Variants in AP5Z1 observed in about 807,000 individuals in gnomAD.
AP5Z1 encodes AP-5 complex subunit zeta-1.
In AP5Z1, 106 loss-of-function variants were observed where a neutral mutation model predicts 83.0. That is an observed-to-expected ratio of 1.28 (90% CI 1.09 to 1.50). The LOEUF is 1.50. Among genes scored for constraint, AP5Z1 ranks in the 40% most tolerant of loss-of-function variants. The probability of loss-of-function intolerance (pLI) is 0.00; values close to 1 mark genes in which losing one functional copy is unlikely to be tolerated. For synonymous variants in AP5Z1, 751 were observed against 514.1 expected, an observed-to-expected ratio of 1.46 and a Z score of -6.23; for missense variants, 1,565 against 1,094.2, an observed-to-expected ratio of 1.43 and a Z score of -6.07.
At chr7:4,789,984 T>TCCCCCCCTCCCCCCCCCCCCCCCCC in intron 14 of AP5Z1, 55 bp downstream of exon 14, 1 of 1,133,806 alleles carries the variant, frequency 8.8e-7, no homozygotes, top group South Asian at 1.7e-5. Context: ...CCTGGACTCC[T>TCCCCCCCTCCCCCCCCCCCCCCCCC]CCCCCTCTCC....
Position 4,781,317 on chromosome 7 carries a change from G to A in AP5Z1, c.179+5G>A, listed in dbSNP as rs754511057. On this transcript the variant is annotated splice_donor_5th_base_variant and intron_variant, in intron 2 of 16. Transcript: ENST00000649063. ...AGCCACGAAGTACAGCCGGAGGTGA[G>A]TGTGGCGACGGCTCAGGCCGGCTCC... 6.2e-7 allele frequency: 1 copy of A among 1,612,906 alleles called. No homozygotes were observed. Among genetic ancestry groups the A allele is most frequent in the South Asian group, 1.1e-5 (1 of 91,058 alleles).
At chr7:4,783,561 C>G in intron 4 of AP5Z1, 101 bp downstream of exon 4, 9 of 1,537,702 alleles carry the variant, frequency 5.9e-6, no homozygotes, top group Non-Finnish European at 7.1e-6. Context: ...AGGTGGGGGA[C>G]ACGGGGAGGC....
At position 4,781,659 on chromosome 7, in the gene AP5Z1, C is replaced by T. The variant is rs767325342; in HGVS notation, c.271C>T (p.Arg91Ter). The change falls in exon 3 of 17, where the codon CGA becomes TGA. Residue 91 changes from arginine (R) to a stop codon, truncating the protein, a stop_gained. Coordinates refer to ENST00000649063, the MANE Select transcript of AP5Z1 (RefSeq NM_014855.3). LOFTEE classifies it high-confidence loss of function. ...CCAGGTGCTTTGCGCCGCCATCCTG[C>T]GAGAGATGTCCCCCTCTGACAGCCT... ...QLQVLCAAIL[R>*]EMSPSDSLSL... 46 of 1,605,112 alleles carry T rather than the reference C, an allele frequency of 2.9e-5. No homozygotes were observed. Among genetic ancestry groups the T allele is most frequent in the Non-Finnish European group, 3.7e-5 (44 of 1,173,668 alleles).
chr7:4,784,307 C>T lies in AP5Z1; in HGVS notation c.726C>T (p.Ala242=), dbSNP rs770164019. Residue 242 remains alanine, a synonymous_variant, in exon 6 of 17, where the codon GCC becomes GCT. Transcript: ENST00000649063. ...FTDDQWLNVQ[A]FSMLRAWLLH... ...ACGACCAGTGGCTGAACGTGCAGGC[C>T]TTCTCTATGCTGCGGGCGTGGCTGC... 1.2e-5 allele frequency: 19 copies of T among 1,602,196 alleles called. No homozygotes were observed. The highest frequency in any genetic ancestry group is 6.7e-5 in the African/African-American group (5 of 74,746).
At chr7:4,776,587 T>G (rs1297388021) in intron 1 of AP5Z1, among the ~76,000 whole-genome samples, 1 of 141,148 alleles carries the variant, frequency 7.1e-6, no homozygotes, top group African/African-American at 2.8e-5. Flanking sequence ...AAAAAAAAAT[T>G]AGCCGGGCGT....
chr7:4,783,984 G>C (rs1204814593), intron 5 of AP5Z1, among the ~76,000 whole-genome samples, 186 bp downstream of exon 5: 2 of 152,210 alleles, frequency 1.3e-5, no homozygotes, highest in South Asian at 2.1e-4. Context: ...CTGGGGGTCT[G>C]TGCGCGGGTT....
At chr7:4,785,493 G>C (rs555323799) in intron 8 of AP5Z1, 29 bp from the exon 9 acceptor site, 1 of 1,613,202 alleles carries the variant, frequency 6.2e-7, no homozygotes, top group East Asian at 2.2e-5. Context: ...CAGCGACTCG[G>C]CCCATTTGAT....
At chr7:4,785,856 C>T (rs528847124) in intron 9 of AP5Z1, among the ~76,000 whole-genome samples, 172 bp downstream of exon 9, 1 of 151,882 alleles carries the variant, frequency 6.6e-6, no homozygotes, top group East Asian at 1.9e-4. Context: ...ATCCTCCTGC[C>T]TTGGCCTCCC....
Position 4,794,106 on chromosome 7 carries a change from GTATC to G in AP5Z1, c.*2724_*2727del, listed in dbSNP as rs1442419005. The G allele has an allele frequency of 6.6e-6, 1 of 152,362 alleles. No homozygotes were observed. Among genetic ancestry groups the G allele is most frequent in the African/African-American group, 2.4e-5 (1 of 41,454 alleles). 9.4% of individuals were successfully genotyped at this position (152,362 alleles called of 1,614,324 possible). ...TTGTGAATGCACCAATAGACACTCTGTATCTAGCTACTCTGGTGGGGACTTGGAA... is the reference window on the plus strand; with the variant it reads ...TTGTGAATGCACCAATAGACACTCTGTAGCTACTCTGGTGGGGACTTGGAA... On this transcript the variant is annotated 3_prime_UTR_variant, in exon 17 of 17. Transcript: ENST00000649063.
Position 4,786,290 on chromosome 7 carries a change from C to G in AP5Z1, c.1173C>G (p.His391Gln), listed in dbSNP as rs1302521074. The G allele has an allele frequency of 1.2e-6, 2 of 1,613,384 alleles. No homozygotes were observed. Among genetic ancestry groups the G allele is most frequent in the South Asian group, 1.1e-5 (1 of 91,038 alleles). ...TGGACTCGGAAGCCGTCTACCAGCA[C>G]CTGTTCACCAGGATCCCGGTGGAGC... ...AAVDSEAVYQ[H>Q]LFTRIPVEQF... Residue 391 changes from histidine (H) to glutamine (Q), a missense_variant, in exon 10 of 17, where the codon CAC becomes CAG. Coordinates refer to ENST00000649063, the MANE Select transcript of AP5Z1 (RefSeq NM_014855.3).
At position 4,783,708 on chromosome 7, in the gene AP5Z1, C is replaced by T. The variant is rs1293089039; in HGVS notation, c.531C>T (p.Ser177=). The change falls in exon 5 of 17, where the codon AGC becomes AGT. Residue 177 remains serine (S), a synonymous_variant. Transcript: ENST00000649063. Reference sequence around the variant, plus strand: ...CTGCAGACCAGGCCACCCTGCTCAGCAAGCGGCTGGTCGACTGGCTGCGCT... The same window carrying T: ...CTGCAGACCAGGCCACCCTGCTCAGTAAGCGGCTGGTCGACTGGCTGCGCT... The part of the protein sequence containing the change: ...TLQEDQATLL[S]KRLVDWLRYA... 1 of 1,550,536 alleles carries T rather than the reference C, an allele frequency of 6.4e-7. No homozygotes were observed. The highest frequency in any genetic ancestry group is 1.4e-5 in the African/African-American group (1 of 73,072).
rs111762282 is a variant in AP5Z1 at position 4,793,671 on chromosome 7, G to A, written c.*2286G>A. On this transcript the variant is annotated 3_prime_UTR_variant, in exon 17 of 17. Coordinates refer to ENST00000649063, the MANE Select transcript of AP5Z1 (RefSeq NM_014855.3). ...TGGGCAGTGAGGGGCTTAGCACCTG[G>A]ACCAGCAGCTGCTGTGCTCGATTTC... is the stretch of plus-strand genomic sequence containing the variant. 0.04 allele frequency: 6,100 copies of A among 152,694 alleles called. 401 individuals are homozygous for A. The highest frequency in any genetic ancestry group is 0.14 in the African/African-American group (5,740 of 41,594). The allele number at this position is 152,694 out of a possible 1,614,324, so 9.5% of individuals were successfully genotyped here.
chr7:4,789,153 C>T (rs936257985), intron 13 of AP5Z1: 17 of 535,862 alleles, frequency 3.2e-5, no homozygotes, highest in African/African-American at 5.9e-5. Context: ...TTTATTCCAG[C>T]AGGCCCCGTT....
rs1781488261 is a variant in AP5Z1, at chr7:4,784,820, TCTC to T, written c.791-82_791-80del. 4.0e-6 allele frequency: 6 copies of T among 1,486,992 alleles called. No homozygotes were observed. The South Asian group carries it at 7.8e-5, about 19-fold the overall frequency. The allele number at this position is 1,486,992 out of a possible 1,614,324, so 92.1% of individuals were successfully genotyped here. A position where few individuals can be genotyped will look rare whatever the true frequency, so the allele number is the denominator to read the frequency against. On this transcript the variant is annotated intron_variant, in intron 6 of 16. Coordinates refer to ENST00000649063, the MANE Select transcript of AP5Z1 (RefSeq NM_014855.3). ...TCCCGGGAGGGGCTGCGGCCTGTGC[TCTC>T]CTCCTGCCCTTCCAAGCAGGGCAGC...
rs374102991 is a variant in AP5Z1, at chr7:4,787,670, T to C, written c.1348T>C (p.Phe450Leu). The change falls in exon 11 of 17, where the codon TTT becomes CTT. Residue 450 changes from phenylalanine (F) to leucine (L), a missense_variant. Phe to Leu is a conservative substitution (Grantham distance 22). Coordinates refer to ENST00000649063, the MANE Select transcript of AP5Z1 (RefSeq NM_014855.3). ...GAACAGCCCACCCCTCACCTCCGAG[T>C]TTGTGGCGCTCCTCCCGGCCCTGGT... Reference protein sequence around the residue: ...AWNSPPLTSEFVALLPALVDA... With the variant: ...AWNSPPLTSELVALLPALVDA... 6.4e-6 allele frequency: 10 copies of C among 1,552,632 alleles called. No individual in the cohort carries two copies. In the African/African-American group the frequency reaches 1.4e-4, roughly 21 times the overall value.
Position 4,785,457 on chromosome 7 carries a change from G to C in AP5Z1, c.969+5G>C. On this transcript the variant is annotated splice_donor_5th_base_variant and intron_variant, in intron 8 of 16. Coordinates refer to ENST00000649063, the MANE Select transcript of AP5Z1 (RefSeq NM_014855.3). ...GACTCCGACCTGCAGAAAGCTGTAA[G>C]TGGCTGGGGACCAGGGGATGGGAGG... The C allele has an allele frequency of 1.9e-6, 3 of 1,613,522 alleles. No individual in the cohort carries two copies. Among genetic ancestry groups the C allele is most frequent in the Non-Finnish European group, 2.5e-6 (3 of 1,179,728 alleles).
At chr7:4,790,323 T>C (rs757004681) in intron 14 of AP5Z1, 136 bp from the exon 15 acceptor site, 16 of 1,552,358 alleles carry the variant, frequency 1.0e-5, no homozygotes, top group Non-Finnish European at 3.5e-6. Flanking sequence ...CTGGCAGTCT[T>C]CTGTGTTCCT....
At chr7:4,790,316 G>A (rs1781717774) in intron 14 of AP5Z1, 143 bp from the exon 15 acceptor site, 7 of 1,549,668 alleles carry the variant, frequency 4.5e-6, no homozygotes, top group Non-Finnish European at 6.1e-6. Flanking sequence ...TCTGAGGCTG[G>A]CAGTCTTCTG....
At chr7:4,780,761 A>G (rs985958360) in intron 1 of AP5Z1, among the ~76,000 whole-genome samples, 4 of 152,104 alleles carry the variant, frequency 2.6e-5, no homozygotes, top group African/African-American at 9.7e-5. Flanking sequence ...GCAAGACTCC[A>G]TCTCGGGGAA....
Sources: allele counts gnomAD v4.1 joint callset (sites outside exome capture counted in the v4.1 genomes callset), GRCh38; gene constraint gnomAD v4.1.1; transcripts MANE v1.5; gene names NCBI Gene and HGNC (gene_info 2026-07-23, HGNC 2026-07-21).